Variants in ALKBH8 observed in about 807,000 individuals in gnomAD.
ALKBH8 encodes the protein alkB homolog 8, tRNA methyltransferase, also known as tRNA (carboxymethyluridine(34)-5-O)-methyltransferase ALKBH8.
Under a neutral mutation model 59.8 loss-of-function variants are expected in ALKBH8, and 36 were observed. The observed-to-expected ratio is 0.60, with a 90% CI of 0.46 to 0.79. The LOEUF (loss-of-function observed/expected upper bound fraction) is 0.79, where lower values mean the gene tolerates loss of function less well. Among genes scored for constraint, ALKBH8 ranks in the 30% least tolerant of loss-of-function variants. ALKBH8 has a pLI of 0.00. For missense variants in ALKBH8, 768 were observed against 801.0 expected, an observed-to-expected ratio of 0.96 and a Z score of 0.50; for synonymous variants, 276 against 273.6, an observed-to-expected ratio of 1.01 and a Z score of -0.09.
intron 7 of ALKBH8, among the ~76,000 whole-genome samples, chr11:107,539,194 G>C (rs901538629): frequency 6.6e-6 from 1 of 152,218 alleles, no homozygotes. Flanking sequence ...CAGGGCAGAG[G>C]AATTGACAGT....
chr11:107,559,424 A>G (rs757317230), intron 2 of ALKBH8, among the ~76,000 whole-genome samples: 2 of 152,216 alleles, frequency 1.3e-5, no homozygotes, highest in African/African-American at 2.4e-5. Context: ...GCCATGAAGG[A>G]CATCAAAGCT....
chr11:107,525,379 C>T (rs1863306794), intron 9 of ALKBH8, 62 bp downstream of exon 9: 6 of 1,448,326 alleles, frequency 4.1e-6, no homozygotes, highest in Non-Finnish European at 5.5e-6. Flanking sequence ...TTGACAGGAC[C>T]TTAAAGGACT....
At position 107,504,276 on chromosome 11, in the gene ALKBH8, G is replaced by T; in HGVS notation, c.*382C>A. On this transcript the variant is annotated 3_prime_UTR_variant, in exon 12 of 12. Coordinates refer to ENST00000428149, the MANE Select transcript of ALKBH8 (RefSeq NM_138775.3). The stretch of plus-strand genomic sequence containing the variant: ...CTTCAGACAATTTTCTATTGACCAG[G>T]ACTATTTTCTGTATTAACATATAAT... 2.1e-6 allele frequency: 1 copy of T among 486,366 alleles called. No individual in the cohort carries two copies. The highest frequency in any genetic ancestry group is 3.4e-5 in the East Asian group (1 of 29,788). The allele number at this position is 486,366 out of a possible 1,614,324, so 30.1% of individuals were successfully genotyped here. A position where few individuals can be genotyped will look rare whatever the true frequency, so the allele number is the denominator to read the frequency against.
At chr11:107,559,322 TA>T (rs1273483324) in intron 2 of ALKBH8, among the ~76,000 whole-genome samples, 1 of 152,216 alleles carries the variant, frequency 6.6e-6, no homozygotes, top group Non-Finnish European at 1.5e-5. Flanking sequence ...CCTGGAAAGA[TA>T]AAATATAATT....
At chr11:107,550,036 T>C (rs1864426604) in intron 6 of ALKBH8, among the ~76,000 whole-genome samples, 1 of 152,220 alleles carries the variant, frequency 6.6e-6, no homozygotes, top group African/African-American at 2.4e-5. Context: ...TAAAGTGCCA[T>C]TGGGGTTTGA....
chr11:107,553,126 C>A lies in ALKBH8; in HGVS notation c.577G>T (p.Asp193Tyr). 1 of 1,601,282 alleles carries A rather than the reference C, an allele frequency of 6.2e-7. No individual in the cohort carries two copies. The highest frequency in any genetic ancestry group is 8.5e-7 in the Non-Finnish European group (1 of 1,174,126). ...TACTTACCCCCAGATAATGGCTTAT[C>A]TTTATCTACATTGTTGTTCTCATAG... Reference protein sequence around the residue: ...FHYENNNVDKDKPLSGGLPDI... With the variant: ...FHYENNNVDKYKPLSGGLPDI... The change falls in exon 5 of 12, where the codon GAT (aspartate) becomes TAT (tyrosine). Residue 193 changes from aspartate (D) to tyrosine (Y), a missense_variant. By Grantham distance (160) the Asp-to-Tyr change is radical. Coordinates refer to ENST00000428149, the MANE Select transcript of ALKBH8 (RefSeq NM_138775.3).
intron 7 of ALKBH8, among the ~76,000 whole-genome samples, chr11:107,542,650 T>C (rs1181581872): frequency 6.6e-6 from 1 of 152,232 alleles, no homozygotes; most frequent in African/African-American, 2.4e-5. Flanking sequence ...GGTTCATGCC[T>C]GTAATCCCAG....
At chr11:107,549,093 T>A (rs2463657) in intron 7 of ALKBH8, among the ~76,000 whole-genome samples, 12 of 151,692 alleles carry the variant, frequency 7.9e-5, no homozygotes, top group Admixed American at 7.9e-4. Flanking sequence ...CCTCGTGATC[T>A]GCCCGCCTCA....
intron 10 of ALKBH8, among the ~76,000 whole-genome samples, chr11:107,517,681 A>G (rs1448255937): frequency 6.6e-6 from 1 of 152,204 alleles, no homozygotes; most frequent in East Asian, 1.9e-4. Context: ...GTATTGCATG[A>G]TCTCACTCAT....
chr11:107,563,900 C>T (rs778302382), intron 1 of ALKBH8, among the ~76,000 whole-genome samples: 14 of 152,268 alleles, frequency 9.2e-5, no homozygotes, highest in Non-Finnish European at 1.9e-4. Flanking sequence ...TGAAGAAAGA[C>T]ACTAAATGGC....
chr11:107,551,708 T>A (rs1269387), intron 6 of ALKBH8, 100 bp downstream of exon 6: 90,381 of 248,780 alleles, frequency 0.36, 15,197 homozygotes, highest in African/African-American at 0.47. Context: ...AAAAAAAAAA[T>A]AATAATAATA....
chr11:107,563,807 G>A (rs1414972754), intron 1 of ALKBH8: 1 of 152,222 alleles, frequency 6.6e-6, no homozygotes, highest in African/African-American at 2.4e-5. Flanking sequence ...TAAGAGTCCA[G>A]CACCAGCAGG....
Position 107,505,185 on chromosome 11 carries a change from C to T in ALKBH8, c.1468G>A (p.Val490Ile), listed in dbSNP as rs565048041. 1.3e-6 allele frequency: 2 copies of T among 1,547,112 alleles called. No individual in the cohort carries two copies. Among genetic ancestry groups the T allele is most frequent in the South Asian group, 1.2e-5 (1 of 83,606 alleles). Reference sequence around the variant, plus strand: ...TTCCCACCTGGTCTCAGGAGTCGAACAATTTCTTGGAGAGCTGCCACTCTA... The same window carrying T: ...TTCCCACCTGGTCTCAGGAGTCGAATAATTTCTTGGAGAGCTGCCACTCTA... ...ERRVAALQEI[V>I]RLLRPGGKAL... Residue 490 changes from valine to isoleucine, a missense_variant, in exon 12 of 12, where the codon GTT (valine) becomes ATT (isoleucine). Val to Ile is a conservative substitution (Grantham distance 29). Coordinates refer to ENST00000428149, the MANE Select transcript of ALKBH8 (RefSeq NM_138775.3).
intron 7 of ALKBH8, among the ~76,000 whole-genome samples, chr11:107,548,234 G>A (rs753100198): frequency 2.6e-5 from 4 of 152,234 alleles, no homozygotes; most frequent in South Asian, 4.2e-4. Flanking sequence ...CCTGTTATAC[G>A]AACAGCCTCT....
At chr11:107,534,465 C>A (rs971571661) in intron 7 of ALKBH8, among the ~76,000 whole-genome samples, 28 of 152,112 alleles carry the variant, frequency 1.8e-4, no homozygotes, top group Non-Finnish European at 4.1e-4. Flanking sequence ...CTATATCCAC[C>A]TAGAAGTTAC....
At chr11:107,507,799 G>A (rs986185073) in intron 11 of ALKBH8, among the ~76,000 whole-genome samples, 3 of 152,206 alleles carry the variant, frequency 2.0e-5, no homozygotes, top group Admixed American at 2.0e-4. Context: ...CACTGCAGTA[G>A]TGAAGGGATG....
intron 7 of ALKBH8, among the ~76,000 whole-genome samples, chr11:107,539,474 C>A: frequency 6.6e-6 from 1 of 152,036 alleles, no homozygotes; most frequent in Non-Finnish European, 1.5e-5. Context: ...TGGTGGGCGT[C>A]TATAGTCCCA....
intron 2 of ALKBH8, among the ~76,000 whole-genome samples, chr11:107,557,891 T>C (rs1251871927): frequency 6.6e-6 from 1 of 152,212 alleles, no homozygotes; most frequent in Non-Finnish European, 1.5e-5. Context: ...ATTTATGTTC[T>C]ATGACTTCTA....
In ALKBH8 at chr11:107,551,800, A is replaced by C; in HGVS notation, c.700+8T>G. On this transcript the variant is annotated splice_region_variant and intron_variant, in intron 6 of 11. Coordinates refer to ENST00000428149, the MANE Select transcript of ALKBH8 (RefSeq NM_138775.3). The stretch of plus-strand genomic sequence containing the variant: ...TGTGACTAAAATTTTTGAACAAGAA[A>C]TACTCACCTTGCCCAGGTTCATACT... The C allele has an allele frequency of 6.6e-7, 1 of 1,526,702 alleles. No individual in the cohort carries two copies. The highest frequency in any genetic ancestry group is 8.8e-7 in the Non-Finnish European group (1 of 1,142,820). The allele number at this position is 1,526,702 out of a possible 1,614,324, so 94.6% of individuals were successfully genotyped here.
Sources: gnomAD v4.1 joint callset for allele counts (sites outside exome capture counted in the v4.1 genomes callset) on GRCh38, gnomAD v4.1.1 for gene constraint, MANE v1.5 for transcripts, NCBI Gene and HGNC (gene_info 2026-07-23, HGNC 2026-07-21) for gene names.